Variants in RNF217 observed in about 807,000 individuals in gnomAD.
RNF217 encodes E3 ubiquitin-protein ligase RNF217.
A neutral mutation model predicts 57.8 loss-of-function variants in RNF217; 31 were observed. The ratio of observed to expected loss-of-function variants is 0.54; its 90% CI spans 0.40 to 0.72. The LOEUF (loss-of-function observed/expected upper bound fraction) is 0.72. Ranked by LOEUF, RNF217 falls within the 30% of genes least tolerant of loss-of-function variation. The probability of loss-of-function intolerance (pLI) is 0.00; values close to 1 mark genes in which losing one functional copy is unlikely to be tolerated. For missense variants in RNF217, 696 were observed against 708.3 expected, an observed-to-expected ratio of 0.98 and a Z score of 0.20; for synonymous variants, 313 against 294.0, an observed-to-expected ratio of 1.06 and a Z score of -0.66.
chr6:124,997,642 A>G (rs1784803448), intron 1 of RNF217, among the ~76,000 whole-genome samples: 1 of 152,192 alleles, frequency 6.6e-6, no homozygotes, highest in African/African-American at 2.4e-5. Context: ...CATTGAGCAC[A>G]TTCATAGGTC....
At chr6:125,044,265 C>A (rs1481936880) in intron 1 of RNF217, among the ~76,000 whole-genome samples, 1 of 151,982 alleles carries the variant, frequency 6.6e-6, no homozygotes, top group East Asian at 1.9e-4. Flanking sequence ...CCCTGTACTA[C>A]ATTAGGATGG....
chr6:125,011,692 C>A (rs1452028688), intron 1 of RNF217, among the ~76,000 whole-genome samples: 1 of 152,066 alleles, frequency 6.6e-6, no homozygotes, highest in African/African-American at 2.4e-5. Context: ...AAAAAAGTCA[C>A]CTTTAATTTT....
Position 124,962,764 on chromosome 6 carries a change from G to A in RNF217, c.220G>A (p.Gly74Arg). Reference protein sequence around the residue: ...TSAPEPARSLGPPGWSKSRAP... With the variant: ...TSAPEPARSLRPPGWSKSRAP... ...CGCCCCAGAGCCCGCGAGGAGCCTG[G>A]GGCCCCCGGGCTGGAGTAAGAGCCG... Residue 74 changes from glycine (G) to arginine (R), a missense_variant, in exon 1 of 6, where the codon GGG becomes AGG. This residue lies in a region of RNF217 where 465 missense variants were observed against 386.8 expected (regional missense o/e 1.20). Transcript: ENST00000521654. The surrounding 1 kb of genome is among the most constrained non-coding windows in gnomAD (Gnocchi z 4.6). 6.3e-7 allele frequency: 1 copy of A among 1,593,464 alleles called. No homozygotes were observed. Among genetic ancestry groups the A allele is most frequent in the Non-Finnish European group, 8.5e-7 (1 of 1,178,334 alleles).
At chr6:125,081,863 C>T (rs476080) in intron 5 of RNF217, among the ~76,000 whole-genome samples, 6,784 of 152,094 alleles carry the variant, frequency 0.045, 490 homozygotes, top group African/African-American at 0.15. Context: ...GGAAAAGAAG[C>T]TCTGCACCTT....
At chr6:124,995,336 G>A (rs1784709306) in intron 1 of RNF217, among the ~76,000 whole-genome samples, 1 of 152,180 alleles carries the variant, frequency 6.6e-6, no homozygotes, top group Admixed American at 6.5e-5. Flanking sequence ...AAAACACACT[G>A]TGCACTCTGA....
chr6:125,029,401 A>G (rs921646326), intron 1 of RNF217, among the ~76,000 whole-genome samples: 2 of 152,210 alleles, frequency 1.3e-5, no homozygotes, highest in Non-Finnish European at 2.9e-5. Context: ...ACAGCATTTT[A>G]TATTTGGAAG....
At chr6:125,082,755 T>G (rs1190897112) in intron 5 of RNF217, 109 bp from the exon 6 acceptor site, 18 of 1,140,452 alleles carry the variant, frequency 1.6e-5, no homozygotes, top group African/African-American at 1.6e-4. Context: ...CATAGATGTC[T>G]TCTTCTTTGT....
chr6:125,084,509 C>T lies in RNF217; in HGVS notation c.*1572C>T, dbSNP rs1211434871. Reference sequence around the variant, plus strand: ...TACATTTATTTGTCAGCAACCTTGTCTGATTTGAAATAGATGATATGATAA... The same window carrying T: ...TACATTTATTTGTCAGCAACCTTGTTTGATTTGAAATAGATGATATGATAA... On this transcript the variant is annotated 3_prime_UTR_variant, in exon 6 of 6. Coordinates refer to ENST00000521654, the MANE Select transcript of RNF217 (RefSeq NM_001286398.3). The T allele has an allele frequency of 1.3e-5, 2 of 151,906 alleles. No homozygotes were observed. Among genetic ancestry groups the T allele is most frequent in the Non-Finnish European group, 2.9e-5 (2 of 67,882 alleles). The allele number at this position is 151,906 out of a possible 1,614,324, so 9.4% of individuals were successfully genotyped here.
At chr6:125,077,259 C>A (rs1324804870) in intron 4 of RNF217, among the ~76,000 whole-genome samples, 1 of 152,020 alleles carries the variant, frequency 6.6e-6, no homozygotes, top group Non-Finnish European at 1.5e-5. Context: ...CAGCATGGAG[C>A]GTAGCCTAGG....
At chr6:124,986,873 G>T (rs1245469001) in intron 1 of RNF217, among the ~76,000 whole-genome samples, 1 of 152,060 alleles carries the variant, frequency 6.6e-6, no homozygotes, top group African/African-American at 2.4e-5. Flanking sequence ...GTAAATAATA[G>T]AATTATTTCT....
At chr6:125,030,497 G>A (rs778384300) in intron 1 of RNF217, among the ~76,000 whole-genome samples, 5 of 152,200 alleles carry the variant, frequency 3.3e-5, no homozygotes, top group Non-Finnish European at 2.9e-5. Flanking sequence ...GGTAAATACA[G>A]TCATTCCAAA....
Position 125,088,247 on chromosome 6 carries a change from A to T in RNF217, c.*5310A>T, listed in dbSNP as rs1332739197. 1 of 152,118 alleles carries T rather than the reference A, an allele frequency of 6.6e-6. No individual in the cohort carries two copies. The highest frequency in any genetic ancestry group is 1.5e-5 in the Non-Finnish European group (1 of 68,010). 9.4% of individuals were successfully genotyped at this position (152,118 alleles called of 1,614,324 possible). A position where few individuals can be genotyped will look rare whatever the true frequency, so the allele number is the denominator to read the frequency against. ...AGCATTAAAGTATTATCAGAACAAA[A>T]TCAGAGTTCCAAAATTTGGGGAGTA... On this transcript the variant is annotated 3_prime_UTR_variant, in exon 6 of 6. Coordinates refer to ENST00000521654, the MANE Select transcript of RNF217 (RefSeq NM_001286398.3).
At chr6:124,987,816 G>A (rs1446603584) in intron 1 of RNF217, among the ~76,000 whole-genome samples, 1 of 152,088 alleles carries the variant, frequency 6.6e-6, no homozygotes, top group Non-Finnish European at 1.5e-5. Flanking sequence ...CTCAACACTT[G>A]AATCTTGTGA....
At chr6:125,058,181 G>A in intron 3 of RNF217, 75 bp downstream of exon 3, 1 of 1,314,348 alleles carries the variant, frequency 7.6e-7, no homozygotes, top group Non-Finnish European at 1.0e-6. Context: ...CATTATTGAA[G>A]GGAATTATAA....
intron 3 of RNF217, among the ~76,000 whole-genome samples, chr6:125,071,137 A>G (rs539796417): frequency 1.1e-4 from 16 of 152,168 alleles, no homozygotes; most frequent in South Asian, 8.3e-4. Context: ...GACAGGTACT[A>G]TTTTCTTCAT....
At chr6:125,065,754 A>G (rs934999186) in intron 3 of RNF217, among the ~76,000 whole-genome samples, 1 of 152,186 alleles carries the variant, frequency 6.6e-6, no homozygotes, top group African/African-American at 2.4e-5. Context: ...TTCAGGTTTT[A>G]AGAGTTGCTT....
chr6:125,018,561 C>G (rs1785699156), intron 1 of RNF217, among the ~76,000 whole-genome samples: 1 of 151,840 alleles, frequency 6.6e-6, no homozygotes, highest in African/African-American at 2.4e-5. Flanking sequence ...AACAGTGAAC[C>G]AGAAATCAGA....
At chr6:124,975,417 T>G (rs548968831) in intron 1 of RNF217, among the ~76,000 whole-genome samples, 1 of 152,330 alleles carries the variant, frequency 6.6e-6, no homozygotes, top group Admixed American at 6.5e-5. Context: ...TTTTTGAAAG[T>G]AATTAATTAA....
Position 125,083,659 on chromosome 6 carries a change from T to C in RNF217, c.*722T>C, listed in dbSNP as rs1788682919. 1 of 152,078 alleles carries C rather than the reference T, an allele frequency of 6.6e-6. No individual in the cohort carries two copies. The highest frequency in any genetic ancestry group is 1.5e-5 in the Non-Finnish European group (1 of 67,984). The allele number at this position is 152,078 out of a possible 1,614,324, so 9.4% of individuals were successfully genotyped here. A position where few individuals can be genotyped will look rare whatever the true frequency, so the allele number is the denominator to read the frequency against. Reference sequence around the variant, plus strand: ...ACATTTTCATAGACCTATTGAAAGATGATGGCTCCTTTGTGGACATAATTT... The same window carrying C: ...ACATTTTCATAGACCTATTGAAAGACGATGGCTCCTTTGTGGACATAATTT... On this transcript the variant is annotated 3_prime_UTR_variant, in exon 6 of 6. Coordinates refer to ENST00000521654, the MANE Select transcript of RNF217 (RefSeq NM_001286398.3).
Sources: allele counts gnomAD v4.1 joint callset (sites outside exome capture counted in the v4.1 genomes callset), GRCh38; gene constraint gnomAD v4.1.1; regional missense constraint gnomAD v4.1.1; non-coding constraint Gnocchi (gnomAD v3.1); transcripts MANE v1.5; gene names NCBI Gene and HGNC (gene_info 2026-07-23, HGNC 2026-07-21).